Variants in KAZN observed in about 807,000 individuals in gnomAD.
The protein encoded by KAZN is kazrin.
Under a neutral mutation model 87.4 loss-of-function variants are expected in KAZN, and 40 were observed. That is an observed-to-expected ratio of 0.46 (90% CI 0.36 to 0.60). KAZN has a LOEUF of 0.60. Among genes scored for constraint, KAZN ranks in the 20% least tolerant of loss-of-function variants. The pLI is 0.00. For missense variants in KAZN, 898 were observed against 1,073.9 expected, an observed-to-expected ratio of 0.84 and a Z score of 2.29; for synonymous variants, 466 against 458.3, an observed-to-expected ratio of 1.02 and a Z score of -0.22.
chr1:14,888,141 C>T (rs1043678573), intron 1 of KAZN, among the ~76,000 whole-genome samples: 2 of 152,176 alleles, frequency 1.3e-5, no homozygotes, highest in African/African-American at 4.8e-5. Context: ...TCCTCCAGCC[C>T]GGGCAGCTCT....
intron 1 of KAZN, among the ~76,000 whole-genome samples, chr1:14,744,672 G>A (rs971460633): frequency 6.6e-6 from 1 of 152,168 alleles, no homozygotes; most frequent in Non-Finnish European, 1.5e-5. Context: ...GGAGTTCGAG[G>A]CTGCAGTGAG....
chr1:14,951,626 G>A (rs1037745228), intron 1 of KAZN, among the ~76,000 whole-genome samples: 9 of 151,392 alleles, frequency 5.9e-5, no homozygotes, highest in African/African-American at 1.2e-4. Context: ...ACAGGTGGCC[G>A]CTACCACACC....
At position 14,170,836 on chromosome 1, in the gene KAZN, C is replaced by T. The variant is rs1645940130; in HGVS notation, c.92-9599C>T. Among the ~76,000 whole-genome samples the T allele has an allele frequency of 2.0e-5, 3 of 152,166 alleles. No individual in the cohort carries two copies. In the South Asian group the frequency reaches 6.2e-4, roughly 32 times the overall value. ...TCCTGGGTTCAAGCGATTCTCCTGC[C>T]TCAGCCTCCTGAGTAGCTGGGAGTA... On this transcript the variant is annotated intron_variant, in intron 1 of 16. Coordinates refer to the KAZN transcript ENST00000636203.
chr1:14,368,052 G>A (rs755934780), intron 2 of KAZN, among the ~76,000 whole-genome samples: 2 of 152,174 alleles, frequency 1.3e-5, no homozygotes, highest in Non-Finnish European at 2.9e-5. Flanking sequence ...ACTTGCGAAC[G>A]TGGGGTTTGC....
intron 2 of KAZN, among the ~76,000 whole-genome samples, chr1:14,319,220 A>G (rs1655882387): frequency 6.6e-6 from 1 of 151,822 alleles, no homozygotes. Flanking sequence ...AATTACTTGT[A>G]AGCCACTTTC....
chr1:13,904,919 CTT>C (rs1045473148), intron 1 of KAZN, among the ~76,000 whole-genome samples: 14 of 152,052 alleles, frequency 9.2e-5, no homozygotes, highest in African/African-American at 2.9e-4. Context: ...AATTTGAACT[CTT>C]TTTCATATTT....
intron 1 of KAZN, among the ~76,000 whole-genome samples, chr1:14,139,723 G>A (rs1645190608): frequency 6.6e-6 from 1 of 152,224 alleles, no homozygotes; most frequent in Non-Finnish European, 1.5e-5. Context: ...GGGCCGTAGA[G>A]GAGAGAATAC....
chr1:14,335,600 C>T (rs1030755406), intron 2 of KAZN, among the ~76,000 whole-genome samples: 3 of 152,124 alleles, frequency 2.0e-5, no homozygotes, highest in Non-Finnish European at 4.4e-5. Flanking sequence ...TCCTGAGGTC[C>T]TCACAGAAGC....
intron 1 of KAZN, among the ~76,000 whole-genome samples, chr1:14,721,654 G>A (rs1643115216): frequency 6.6e-6 from 1 of 152,194 alleles, no homozygotes; most frequent in African/African-American, 2.4e-5. Flanking sequence ...AGGTATCTTG[G>A]TGATGTCTTT....
intron 1 of KAZN, among the ~76,000 whole-genome samples, chr1:14,015,746 A>C (rs966753234): frequency 6.6e-6 from 1 of 151,214 alleles, no homozygotes; most frequent in Non-Finnish European, 1.5e-5. Flanking sequence ...ACCTGTCTCT[A>C]CTAAAAATAC....
rs1456534088 is a variant in KAZN at position 15,096,530 on chromosome 1, A to G, written c.1547+1597A>G. ...GTGTGTTGCACAACACAGCCCCTAA[A>G]TGGGGCTGTCTTAGTCTGCTTGGGC... is the stretch of plus-strand genomic sequence containing the variant. On this transcript the variant is annotated intron_variant, in intron 10 of 14. Transcript: ENST00000376030. This position sits in a 1 kb window ranked among gnomAD's most constrained non-coding sequence, Gnocchi z 4.5. Among the ~76,000 whole-genome samples, 3 of 152,140 alleles carry G rather than the reference A, an allele frequency of 2.0e-5. No homozygotes were observed. Among genetic ancestry groups the G allele is most frequent in the African/African-American group, 7.2e-5 (3 of 41,434 alleles).
intron 1 of KAZN, among the ~76,000 whole-genome samples, chr1:14,663,650 CA>C (rs1052853134): frequency 7.2e-5 from 11 of 152,066 alleles, no homozygotes; most frequent in South Asian, 4.2e-4. Flanking sequence ...AAACAAACAA[CA>C]AAAAAACAAA....
Position 14,907,104 on chromosome 1 carries a change from G to A in KAZN, c.227-53580G>A, listed in dbSNP as rs181098441. Among the ~76,000 whole-genome samples, 6 of 151,866 alleles carry A rather than the reference G, an allele frequency of 4.0e-5. No homozygotes were observed. The East Asian group carries it at 7.8e-4, about 20-fold the overall frequency. ...GCACTTCTAATAAACTTATTTGTAC[G>A]ATTATTAGAAGCTAGATGCAGTGGC... On this transcript the variant is annotated intron_variant, in intron 1 of 14. Transcript: ENST00000376030.
chr1:14,097,698 G>A (rs1644158988), intron 1 of KAZN, among the ~76,000 whole-genome samples: 1 of 152,140 alleles, frequency 6.6e-6, no homozygotes, highest in Non-Finnish European at 1.5e-5. Context: ...AATTGAACCT[G>A]TTATAGAATA....
At chr1:14,994,248 G>A (rs1387825713) in intron 2 of KAZN, among the ~76,000 whole-genome samples, 2 of 152,198 alleles carry the variant, frequency 1.3e-5, no homozygotes, top group African/African-American at 2.4e-5. Flanking sequence ...TGGCACCTCC[G>A]GGCACACTTG....
intron 1 of KAZN, among the ~76,000 whole-genome samples, chr1:14,639,656 T>TC (rs1208656147): frequency 3.3e-5 from 5 of 152,146 alleles, no homozygotes; most frequent in African/African-American, 1.2e-4. Context: ...TTCAGCAATT[T>TC]TTTTTTTTAC....
intron 7 of KAZN, among the ~76,000 whole-genome samples, 181 bp downstream of exon 7, chr1:15,063,803 C>T (rs535174592): frequency 1.1e-4 from 17 of 151,806 alleles, no homozygotes; most frequent in African/African-American, 3.7e-4. Context: ...TATGCCACTT[C>T]CGCTGAGCCC....
intron 2 of KAZN, among the ~76,000 whole-genome samples, chr1:14,268,731 A>G (rs560933821): frequency 1.3e-5 from 2 of 152,362 alleles, no homozygotes; most frequent in East Asian, 3.9e-4. Flanking sequence ...ACTAGCAGTT[A>G]TTGTAACTCA....
intron 1 of KAZN, among the ~76,000 whole-genome samples, chr1:14,134,360 T>G (rs1190075907): frequency 1.3e-5 from 2 of 152,234 alleles, no homozygotes; most frequent in Non-Finnish European, 2.9e-5. Context: ...ACTGTGGACT[T>G]TCACAGAACA....
Sources: gnomAD v4.1 joint callset for allele counts (sites outside exome capture counted in the v4.1 genomes callset) on GRCh38, gnomAD v4.1.1 for gene constraint, Gnocchi (gnomAD v3.1) non-coding constraint, MANE v1.5 for transcripts, NCBI Gene and HGNC (gene_info 2026-07-23, HGNC 2026-07-21) for gene names.